The following HVCN1 variants were observed in gnomAD, a reference collection of about 807,000 sequenced individuals.
HVCN1 encodes the protein hydrogen voltage gated channel 1.
A neutral mutation model predicts 29.2 loss-of-function variants in HVCN1; 14 were observed. The ratio of observed to expected loss-of-function variants is 0.48; its 90% CI spans 0.32 to 0.75. HVCN1 has a LOEUF of 0.75. HVCN1 is among the 30% of genes least tolerant of loss of function. The pLI is 0.04. For synonymous variants in HVCN1, 131 were observed against 133.2 expected, an observed-to-expected ratio of 0.98 and a Z score of 0.11; for missense variants, 263 against 341.8, an observed-to-expected ratio of 0.77 and a Z score of 1.82.
chr12:110,699,712 C>T (rs968240622), intron 2 of HVCN1, among the ~76,000 whole-genome samples: 17 of 152,102 alleles, frequency 1.1e-4, no homozygotes, highest in African/African-American at 1.9e-4. Context: ...CTCTCCTGGC[C>T]GTGTGCCAGG....
chr12:110,652,977 C>T (rs970033949), intron 5 of HVCN1, among the ~76,000 whole-genome samples: 3 of 152,166 alleles, frequency 2.0e-5, no homozygotes, highest in Non-Finnish European at 4.4e-5. Flanking sequence ...AGAACATCGC[C>T]AGCCAATGAA....
chr12:110,695,342 A>G (rs2069473651), intron 2 of HVCN1, among the ~76,000 whole-genome samples: 2 of 151,084 alleles, frequency 1.3e-5, no homozygotes, highest in African/African-American at 4.9e-5. Flanking sequence ...TTATAATTGT[A>G]TAATTACATA....
At chr12:110,702,145 G>A (rs1278545371) in intron 2 of HVCN1, among the ~76,000 whole-genome samples, 1 of 151,886 alleles carries the variant, frequency 6.6e-6, no homozygotes, top group Non-Finnish European at 1.5e-5. Context: ...TAAATACAAA[G>A]TAATGATCTA....
At chr12:110,681,487 T>A (rs1360228248) in intron 3 of HVCN1, among the ~76,000 whole-genome samples, 4 of 152,208 alleles carry the variant, frequency 2.6e-5, no homozygotes, top group Non-Finnish European at 5.9e-5. Context: ...CATTTCCGAA[T>A]GTTCTTTTTG....
chr12:110,692,867 CTTTG>C (rs941348158), upstream of HVCN1, among the ~76,000 whole-genome samples: 11 of 152,018 alleles, frequency 7.2e-5, no homozygotes, highest in Non-Finnish European at 1.5e-4. Flanking sequence ...CGTATTATTA[CTTTG>C]TTTGTTTGTT....
chr12:110,654,005 G>A (rs35050631), intron 5 of HVCN1, among the ~76,000 whole-genome samples: 2,151 of 152,250 alleles, frequency 0.014, 23 homozygotes, highest in South Asian at 0.046. Context: ...ATGGCCAGAC[G>A]GAAGCGTGTG....
chr12:110,682,641 G>A (rs2069022530), intron 3 of HVCN1: 1 of 157,094 alleles, frequency 6.4e-6, no homozygotes, highest in Admixed American at 6.2e-5. Flanking sequence ...AATCCTGCAA[G>A]GGCAGGGGTG....
chr12:110,682,010 G>A (rs996514515), intron 3 of HVCN1, among the ~76,000 whole-genome samples: 1 of 152,018 alleles, frequency 6.6e-6, no homozygotes, highest in Non-Finnish European at 1.5e-5. Flanking sequence ...TTTTGGAGAC[G>A]GAGTTTTGCT....
At chr12:110,686,167 A>T (rs1007793035) in intron 2 of HVCN1, among the ~76,000 whole-genome samples, 2 of 150,556 alleles carry the variant, frequency 1.3e-5, no homozygotes, top group African/African-American at 2.4e-5. Flanking sequence ...CCCAGCTAAA[A>T]TTTTTTTTTG....
intron 5 of HVCN1, among the ~76,000 whole-genome samples, 191 bp downstream of exon 5, chr12:110,655,043 G>A (rs1444336701): frequency 1.3e-5 from 2 of 152,100 alleles, no homozygotes; most frequent in Non-Finnish European, 2.9e-5. Flanking sequence ...CAGCCATCAT[G>A]TGAAACAACG....
At chr12:110,704,144 A>T (rs2069586321) in intron 1 of HVCN1, among the ~76,000 whole-genome samples, 1 of 152,168 alleles carries the variant, frequency 6.6e-6, no homozygotes. Context: ...TCCCTCTGGC[A>T]TGATTTATAG....
rs1252776014 is a variant in HVCN1 at position 110,676,866 on chromosome 12, G to A, written c.21+6359C>T. On this transcript the variant is annotated intron_variant, in intron 3 of 7. Coordinates refer to ENST00000242607, the MANE Select transcript of HVCN1 (RefSeq NM_032369.4). This position sits in a 1 kb window ranked among gnomAD's most constrained non-coding sequence, Gnocchi z 4.1. ...CGAGTCCCACAGGTCCTCCTAGTGA[G>A]TCACTGACACTGGGCATAGGGTCTC... is the stretch of plus-strand genomic sequence containing the variant. Among the ~76,000 whole-genome samples the A allele has an allele frequency of 1.3e-5, 2 of 152,072 alleles. No homozygotes were observed. Among genetic ancestry groups the A allele is most frequent in the South Asian group, 2.1e-4 (1 of 4,824 alleles).
chr12:110,673,506 C>G (rs1306366515), intron 3 of HVCN1, among the ~76,000 whole-genome samples: 1 of 152,140 alleles, frequency 6.6e-6, no homozygotes, highest in Non-Finnish European at 1.5e-5. Context: ...TAGCAAGGAG[C>G]CTAATGTTAA....
chr12:110,694,838 G>A lies in HVCN1; in HGVS notation c.-103-6130C>T, dbSNP rs1054796396. On this transcript the variant is annotated intron_variant, in intron 2 of 4. Transcript: ENST00000546713. This position sits in a 1 kb window ranked among gnomAD's most constrained non-coding sequence, Gnocchi z 4.6. ...CCTCCAACTCTCTTCTCTGGCACTC[G>A]GCTCAGCCTTCTGCCTCACAGTTCA... is the stretch of plus-strand genomic sequence containing the variant. Among the ~76,000 whole-genome samples, 1 of 152,190 alleles carries A rather than the reference G, an allele frequency of 6.6e-6. No homozygotes were observed. Among genetic ancestry groups the A allele is most frequent in the Non-Finnish European group, 1.5e-5 (1 of 68,044 alleles).
chr12:110,700,656 G>A (rs1382104819), intron 2 of HVCN1, among the ~76,000 whole-genome samples: 4 of 152,056 alleles, frequency 2.6e-5, no homozygotes, highest in Admixed American at 6.5e-5. Flanking sequence ...GCAGTGATGC[G>A]ATTATGGCTC....
At chr12:110,686,991 G>A (rs1259068375) in intron 2 of HVCN1, among the ~76,000 whole-genome samples, 1 of 152,194 alleles carries the variant, frequency 6.6e-6, no homozygotes, top group Non-Finnish European at 1.5e-5. Flanking sequence ...GAAGGCAGTG[G>A]GCTCTTGGGA....
upstream of HVCN1, among the ~76,000 whole-genome samples, chr12:110,690,110 G>A (rs1369715244): frequency 1.3e-5 from 2 of 152,220 alleles, no homozygotes; most frequent in South Asian, 2.1e-4. Flanking sequence ...CAAGGTGTGG[G>A]TGGGGCTGTG....
At chr12:110,670,186 G>A (rs1318467998) in intron 3 of HVCN1, among the ~76,000 whole-genome samples, 2 of 152,156 alleles carry the variant, frequency 1.3e-5, no homozygotes, top group East Asian at 1.9e-4. Context: ...ACCTAGAAGC[G>A]AAGGAGAGAA....
chr12:110,686,229 T>C (rs540263961), intron 2 of HVCN1, among the ~76,000 whole-genome samples: 1 of 152,260 alleles, frequency 6.6e-6, no homozygotes, highest in South Asian at 2.1e-4. Flanking sequence ...GGTCTCAGAC[T>C]CCTGACCTCA....
Sources: gnomAD v4.1 joint callset for allele counts (sites outside exome capture counted in the v4.1 genomes callset) on GRCh38, gnomAD v4.1.1 for gene constraint, Gnocchi (gnomAD v3.1) non-coding constraint, MANE v1.5 for transcripts, NCBI Gene and HGNC (gene_info 2026-07-23, HGNC 2026-07-21) for gene names.